Variants in TM7SF2 observed in about 807,000 individuals in gnomAD.
TM7SF2 encodes the protein transmembrane 7 superfamily member 2, also known as delta(14)-sterol reductase TM7SF2.
In TM7SF2, 51 loss-of-function variants were observed where a neutral mutation model predicts 51.0. The observed-to-expected ratio is 1.00, with a 90% CI of 0.80 to 1.26. TM7SF2 has a LOEUF of 1.26. Among genes scored for constraint, TM7SF2 ranks in the 50% most tolerant of loss-of-function variants. TM7SF2 has a pLI of 0.00. For missense variants in TM7SF2, 541 were observed against 547.4 expected (o/e 0.99, Z 0.12); for synonymous variants, 255 against 241.0 (o/e 1.06, Z -0.54).
chr11:65,112,419 C>T (rs771528344), intron 1 of TM7SF2, 96 bp from the exon 2 acceptor site: 20 of 1,320,224 alleles, frequency 1.5e-5, no homozygotes, highest in African/African-American at 3.1e-5. Flanking sequence ...CTGGGAATGC[C>T]GAGAGGGTCC....
chr11:65,112,775 G>T (rs766752435), intron 2 of TM7SF2, 36 bp from the exon 3 acceptor site: 1 of 1,549,584 alleles, frequency 6.5e-7, no homozygotes, highest in Non-Finnish European at 8.7e-7. Context: ...GGGAAAGGAC[G>T]CCCCGGGCCT....
chr11:65,116,085 G>A lies in TM7SF2; in HGVS notation c.*32G>A, dbSNP rs1405738475. ...TCCACCACCCCAGGTGGGGGCATGT[G>A]CCCACTCATCCACCAGCACACCCAG... On this transcript the variant is annotated 3_prime_UTR_variant, in exon 10 of 10. Transcript: ENST00000279263. 1 of 1,590,390 alleles carries A rather than the reference G, an allele frequency of 6.3e-7. No homozygotes were observed. Among genetic ancestry groups the A allele is most frequent in the Non-Finnish European group, 8.5e-7 (1 of 1,171,546 alleles).
In TM7SF2 at chr11:65,112,694, C is replaced by A. The variant is rs1254793702; in HGVS notation, c.232C>A (p.Leu78Ile). 5 of 1,543,424 alleles carry A rather than the reference C, an allele frequency of 3.2e-6. No homozygotes were observed. Among genetic ancestry groups the A allele is most frequent in the African/African-American group, 1.4e-5 (1 of 72,920 alleles). Residue 78 changes from leucine to isoleucine, a missense_variant, in exon 2 of 10, where the codon CTA becomes ATA. By Grantham distance (5) the Leu-to-Ile change is conservative. Transcript: ENST00000279263. ...AWLGLQAALY[L>I]LPARKVAEGQ... is the part of the protein sequence containing the mutation. ...GCTCGGCCTGCAGGCGGCGCTCTAC[C>A]TACTGCCGGCGCGCAAGGTGCGGGC...
rs1296828806 is a variant in TM7SF2, at chr11:65,115,942, G to T, written c.1146G>T (p.Leu382=). ...PYFYLLYFTA[L]LVHREARDER... Reference sequence around the variant, plus strand: ...TCTACCTCCTCTACTTCACCGCGCTGCTGGTGCACCGTGAGGCCCGGGATG... The same window carrying T: ...TCTACCTCCTCTACTTCACCGCGCTTCTGGTGCACCGTGAGGCCCGGGATG... The change falls in exon 10 of 10, where the codon CTG becomes CTT. Residue 382 remains leucine (L), a synonymous_variant. Coordinates refer to ENST00000279263, the MANE Select transcript of TM7SF2 (RefSeq NM_003273.6). 8.1e-6 allele frequency: 13 copies of T among 1,614,038 alleles called. No homozygotes were observed. The highest frequency in any genetic ancestry group is 1.1e-5 in the Non-Finnish European group (13 of 1,180,020).
intron 8 of TM7SF2, 26 bp downstream of exon 8, chr11:65,115,420 G>A: frequency 1.2e-6 from 2 of 1,614,178 alleles, no homozygotes; most frequent in Non-Finnish European, 1.7e-6. Context: ...AGGGCCATGG[G>A]TGAGGTGGGG....
In TM7SF2 at chr11:65,113,207, C is replaced by T; in HGVS notation, c.305-13C>T. 6.3e-7 allele frequency: 1 copy of T among 1,585,144 alleles called. No homozygotes were observed. The highest frequency in any genetic ancestry group is 1.1e-5 in the South Asian group (1 of 89,120). On this transcript the variant is annotated splice_polypyrimidine_tract_variant and intron_variant, in intron 3 of 9. Transcript: ENST00000279263. ...GCGCGCAGCCCCAGGGCTCACTGTGCGCTGTGGTTCAGGCTTCCAGGCCCT... is the reference window on the plus strand; with the variant it reads ...GCGCGCAGCCCCAGGGCTCACTGTGTGCTGTGGTTCAGGCTTCCAGGCCCT...
intron 5 of TM7SF2, among the ~76,000 whole-genome samples, chr11:65,114,034 G>A (rs994059603): frequency 1.1e-4 from 17 of 152,100 alleles, no homozygotes; most frequent in Non-Finnish European, 2.9e-5. Context: ...GTGATCTCTG[G>A]TTCTGTGGCC....
intron 5 of TM7SF2, 112 bp downstream of exon 5, chr11:65,113,706 C>A (rs1361572575): frequency 1.1e-6 from 1 of 905,254 alleles, no homozygotes; most frequent in Non-Finnish European, 1.8e-6. Flanking sequence ...ATTAACCATT[C>A]ATATTCCACA....
At chr11:65,115,655 G>A (rs1476809888) in intron 9 of TM7SF2, 57 bp downstream of exon 9, 16 of 1,611,122 alleles carry the variant, frequency 9.9e-6, no homozygotes, top group African/African-American at 1.3e-5. Context: ...GTGGCTCAGC[G>A]ACCACAGGAT....
chr11:65,112,584 C>T lies in TM7SF2; in HGVS notation c.122C>T (p.Pro41Leu). Residue 41 changes from proline to leucine, a missense_variant, in exon 2 of 10, where the codon CCC (proline) becomes CTC (leucine). Physicochemically the swap from Pro to Leu is moderately conservative, Grantham distance 98 (BLOSUM62 -3). Coordinates refer to ENST00000279263, the MANE Select transcript of TM7SF2 (RefSeq NM_003273.6). Reference protein sequence around the residue: ...FHLLLAARSGPARLLGPPASL... With the variant: ...FHLLLAARSGLARLLGPPASL... ...CTGCTCCTGGCGGCCCGTTCGGGCC[C>T]CGCGCGCCTGCTGGGTCCACCCGCG... 1 of 1,520,144 alleles carries T rather than the reference C, an allele frequency of 6.6e-7. No homozygotes were observed. Among genetic ancestry groups the T allele is most frequent in the Admixed American group, 2.0e-5 (1 of 48,872 alleles). The allele number at this position is 1,520,144 out of a possible 1,614,324, so 94.2% of individuals were successfully genotyped here.
rs779386057 is a variant in TM7SF2 at position 65,113,597 on chromosome 11, A to G, written c.603+3A>G. 3 of 1,526,892 alleles carry G rather than the reference A, an allele frequency of 2.0e-6. No individual in the cohort carries two copies. Among genetic ancestry groups the G allele is most frequent in the African/African-American group, 1.4e-5 (1 of 72,240 alleles). The allele number at this position is 1,526,892 out of a possible 1,614,324, so 94.6% of individuals were successfully genotyped here. ...TGCGACCCGGCCTCATCGGCTGGGTATGTTGGGCTTGACTGAGCTGGCCTC... is the reference window on the plus strand; with the variant it reads ...TGCGACCCGGCCTCATCGGCTGGGTGTGTTGGGCTTGACTGAGCTGGCCTC... On this transcript the variant is annotated splice_donor_region_variant and intron_variant, in intron 5 of 9. Transcript: ENST00000279263.
In TM7SF2 at chr11:65,116,003, CAGG is replaced by C. The variant is rs1947978667; in HGVS notation, c.1210_1212del (p.Glu404del). 1 of 1,612,538 alleles carries C rather than the reference CAGG, an allele frequency of 6.2e-7. No individual in the cohort carries two copies. Among genetic ancestry groups the C allele is most frequent in the South Asian group, 1.1e-5 (1 of 91,072 alleles). On this transcript the variant is annotated inframe_deletion, in exon 10 of 10. Transcript: ENST00000279263. ...CCTGCAGAAGTACGGCCTGGCCTGG[CAGG>C]AGTACTGCCGGCGTGTGCCTTACCG... is the stretch of plus-strand genomic sequence containing the variant.
rs532610030 is a variant in TM7SF2 at position 65,112,711 on chromosome 11, G to A, written c.249G>A (p.Lys83=). The change falls in exon 2 of 10, where the codon AAG becomes AAA. Residue 83 remains lysine, a splice_region_variant and synonymous_variant. Transcript: ENST00000279263. ...CGCTCTACCTACTGCCGGCGCGCAA[G>A]GTGCGGGCCCCGCTCGCGGACGCTC... is the stretch of plus-strand genomic sequence containing the variant. The part of the protein sequence containing the change: ...QAALYLLPAR[K]VAEGQELKDK... The A allele has an allele frequency of 1.9e-6, 3 of 1,546,436 alleles. No homozygotes were observed. The highest frequency in any genetic ancestry group is 2.4e-5 in the South Asian group (2 of 83,852).
In TM7SF2 at chr11:65,113,323, C is replaced by T. The variant is rs767779109; in HGVS notation, c.408C>T (p.Val136=). Residue 136 remains valine, a synonymous_variant, in exon 4 of 10, where the codon GTC becomes GTT. Transcript: ENST00000279263. ...LPEMLLPLAF[V]ATLTAFIFSL... ...AAATGCTCCTGCCCTTGGCGTTTGTCGCCACCCTCACCGCTTTCATCTTCA... is the reference window on the plus strand; with the variant it reads ...AAATGCTCCTGCCCTTGGCGTTTGTTGCCACCCTCACCGCTTTCATCTTCA... 1.9e-6 allele frequency: 3 copies of T among 1,613,658 alleles called. No homozygotes were observed. The highest frequency in any genetic ancestry group is 2.5e-6 in the Non-Finnish European group (3 of 1,180,028).
Position 65,115,023 on chromosome 11 carries a change from G to A in TM7SF2, c.834G>A (p.Leu278=). The A allele has an allele frequency of 1.2e-6, 2 of 1,614,118 alleles. No individual in the cohort carries two copies. The highest frequency in any genetic ancestry group is 3.3e-4 in the Middle Eastern group (2 of 6,062). The change falls in exon 7 of 10, where the codon CTG becomes CTA. Residue 278 remains leucine (L), a synonymous_variant. Coordinates refer to ENST00000279263, the MANE Select transcript of TM7SF2 (RefSeq NM_003273.6). ...PFTYSLQAQF[L]LHHPQPLGLP... ...CCTACAGCCTGCAGGCCCAGTTCCT[G>A]CTGCACCACCCGCAGCCCCTGGGGT...
In TM7SF2 at chr11:65,115,944, T is replaced by C. The variant is rs747033645; in HGVS notation, c.1148T>C (p.Leu383Pro). The C allele has an allele frequency of 6.2e-7, 1 of 1,614,016 alleles. No individual in the cohort carries two copies. The highest frequency in any genetic ancestry group is 8.5e-7 in the Non-Finnish European group (1 of 1,180,020). Residue 383 changes from leucine to proline, a missense_variant, in exon 10 of 10, where the codon CTG (leucine) becomes CCG (proline). By Grantham distance (98) the Leu-to-Pro change is moderately conservative (BLOSUM62 -3). Coordinates refer to ENST00000279263, the MANE Select transcript of TM7SF2 (RefSeq NM_003273.6). ...TACCTCCTCTACTTCACCGCGCTGC[T>C]GGTGCACCGTGAGGCCCGGGATGAG... ...YFYLLYFTAL[L>P]VHREARDERQ...
rs1294561804 is a variant in TM7SF2 at position 65,112,830 on chromosome 11, T to C, written c.269T>C (p.Leu90Ser). The change falls in exon 3 of 10, where the codon TTG becomes TCG. Residue 90 changes from leucine to serine, a missense_variant. Coordinates refer to ENST00000279263, the MANE Select transcript of TM7SF2 (RefSeq NM_003273.6). Reference protein sequence around the residue: ...PARKVAEGQELKDKSRLRYPI... With the variant: ...PARKVAEGQESKDKSRLRYPI... ...CCGCAGGTGGCCGAGGGGCAGGAAT[T>C]GAAGGACAAGAGTCGCCTGCGCTAT... 3.9e-6 allele frequency: 6 copies of C among 1,550,652 alleles called. No individual in the cohort carries two copies. In the South Asian group the frequency reaches 7.1e-5, roughly 18 times the overall value.
rs893451223 is a variant in TM7SF2 at position 65,112,941 on chromosome 11, G to A, written c.304+76G>A. 13 of 1,512,836 alleles carry A rather than the reference G, an allele frequency of 8.6e-6. No homozygotes were observed. The African/African-American group carries it at 1.8e-4, about 21-fold the overall frequency. 93.7% of individuals were successfully genotyped at this position (1,512,836 alleles called of 1,614,324 possible). A position where few individuals can be genotyped will look rare whatever the true frequency, so the allele number is the denominator to read the frequency against. ...CTCCAGGCCTAGCGGGGAGGTCCAC[G>A]GAGATTGGCCCCCACCCCAGGCTCC... On this transcript the variant is annotated intron_variant, in intron 3 of 9. Transcript: ENST00000279263.
chr11:65,115,515 T>C lies in TM7SF2; in HGVS notation c.1013T>C (p.Leu338Pro), dbSNP rs1947967831. 1 of 1,614,148 alleles carries C rather than the reference T, an allele frequency of 6.2e-7. No individual in the cohort carries two copies. The highest frequency in any genetic ancestry group is 8.5e-7 in the Non-Finnish European group (1 of 1,180,016). ...TISTATGRKLLVSGWWGMVRH... is the reference protein window; with the variant it reads ...TISTATGRKLPVSGWWGMVRH... The stretch of plus-strand genomic sequence containing the variant: ...TCTACAGCCACAGGGCGGAAACTGC[T>C]GGTGTCTGGGTGGTGGGGTATGGTC... Residue 338 changes from leucine (L) to proline (P), a missense_variant, in exon 9 of 10, where the codon CTG becomes CCG. Physicochemically the swap from Leu to Pro is moderately conservative, Grantham distance 98 (BLOSUM62 -3). Coordinates refer to ENST00000279263, the MANE Select transcript of TM7SF2 (RefSeq NM_003273.6).
Sources: gnomAD v4.1 joint callset for allele counts (sites outside exome capture counted in the v4.1 genomes callset) on GRCh38, gnomAD v4.1.1 for gene constraint, MANE v1.5 for transcripts, NCBI Gene and HGNC (gene_info 2026-07-23, HGNC 2026-07-21) for gene names.